The following AFF3 variants were observed in gnomAD, a reference collection of about 807,000 sequenced individuals.
AFF3 encodes AF4/FMR2 family member 3.
A neutral mutation model predicts 129.7 loss-of-function variants in AFF3; 32 were observed. The observed-to-expected ratio is 0.25, with a 90% CI of 0.19 to 0.33. The LOEUF (loss-of-function observed/expected upper bound fraction) is 0.33, where lower values mean the gene tolerates loss of function less well. Among genes scored for constraint, AFF3 ranks in the 10% least tolerant of loss-of-function variants. The pLI is 1.00. For synonymous variants in AFF3, 644 were observed against 635.4 expected, an observed-to-expected ratio of 1.01 and a Z score of -0.20; for missense variants, 1,373 against 1,592.0, an observed-to-expected ratio of 0.86 and a Z score of 2.34.
chr2:100,083,380 G>C (rs1689169073), intron 4 of AFF3, among the ~76,000 whole-genome samples: 1 of 152,100 alleles, frequency 6.6e-6, no homozygotes, highest in South Asian at 2.1e-4. Flanking sequence ...CCAAACCATG[G>C]CCTGCATTGT....
chr2:99,643,131 C>T (rs1247626051), intron 13 of AFF3, among the ~76,000 whole-genome samples: 16 of 133,178 alleles, frequency 1.2e-4, no homozygotes, highest in Non-Finnish European at 9.3e-5. Flanking sequence ...GTGATCTCGG[C>T]TCACTGCAAC....
At chr2:99,874,194 C>G (rs1167126342) in intron 7 of AFF3, among the ~76,000 whole-genome samples, 1 of 152,024 alleles carries the variant, frequency 6.6e-6, no homozygotes, top group Non-Finnish European at 1.5e-5. Flanking sequence ...ACAAAAAACT[C>G]TACTCACTGT....
At chr2:100,103,995 G>A (rs934286972) in intron 4 of AFF3, among the ~76,000 whole-genome samples, 1 of 151,544 alleles carries the variant, frequency 6.6e-6, no homozygotes, top group Non-Finnish European at 1.5e-5. Context: ...ACTCCAGGGG[G>A]TCGGTGGTGC....
intron 4 of AFF3, among the ~76,000 whole-genome samples, chr2:100,090,473 G>A (rs1291623155): frequency 1.3e-5 from 2 of 152,148 alleles, no homozygotes; most frequent in Non-Finnish European, 2.9e-5. Flanking sequence ...AAAAACAGCA[G>A]GACTTAATGA....
At chr2:100,113,598 C>A (rs903814512) in intron 2 of AFF3, among the ~76,000 whole-genome samples, 2 of 152,110 alleles carry the variant, frequency 1.3e-5, no homozygotes, top group African/African-American at 2.4e-5. Context: ...GAACAAACGC[C>A]GTGTACTATA....
chr2:99,594,170 G>A lies in AFF3; in HGVS notation c.1491C>T (p.Tyr497=). The A allele has an allele frequency of 1.2e-6, 2 of 1,614,158 alleles. No individual in the cohort carries two copies. ...CCTGGACGTCCTCTTTCACCGGGTT[G>A]TAGTACTGATTGCTCTCTGACCCGT... ...ESHGSESNQY[Y]NPVKEDVQDC... is the part of the protein sequence containing the mutation. The change falls in exon 15 of 25, where the codon TAC becomes TAT. Residue 497 remains tyrosine (Y), a synonymous_variant. Coordinates refer to ENST00000672756, the MANE Select transcript of AFF3 (RefSeq NM_001386135.1).
chr2:99,727,617 A>C (rs1479272643), intron 10 of AFF3, among the ~76,000 whole-genome samples: 3 of 147,166 alleles, frequency 2.0e-5, no homozygotes, highest in Non-Finnish European at 4.4e-5. Context: ...GCTGGAGTGC[A>C]GTGGCACAAT....
chr2:99,635,003 A>G (rs925159650), intron 13 of AFF3, among the ~76,000 whole-genome samples: 7 of 149,684 alleles, frequency 4.7e-5, no homozygotes, highest in African/African-American at 1.0e-4. Flanking sequence ...ACACACACAC[A>G]TATGGTTGCT....
intron 1 of AFF3, among the ~76,000 whole-genome samples, chr2:100,133,027 C>A (rs1055618908): frequency 1.3e-5 from 2 of 151,322 alleles, no homozygotes; most frequent in Non-Finnish European, 2.9e-5. Flanking sequence ...TCTTGGGGCT[C>A]AAGTGATCCT....
intron 7 of AFF3, among the ~76,000 whole-genome samples, chr2:100,005,066 G>A (rs1681839968): frequency 6.6e-6 from 1 of 152,116 alleles, no homozygotes; most frequent in Non-Finnish European, 1.5e-5. Flanking sequence ...GTGAGTCTCT[G>A]TCTGAGGCAT....
intron 7 of AFF3, among the ~76,000 whole-genome samples, chr2:99,862,029 T>G (rs1439210600): frequency 6.6e-6 from 1 of 152,144 alleles, no homozygotes; most frequent in Non-Finnish European, 1.5e-5. Context: ...GATGTTTTAG[T>G]CTCCACATTG....
rs758763189 is a variant in AFF3 at position 99,727,030 on chromosome 2, G to T, written c.1091+47C>A. Reference sequence around the variant, plus strand: ...TACTTGCACTATCTCATTTTATGAGGCATATTTAAGAACAGGCATCTCTGA... The same window carrying T: ...TACTTGCACTATCTCATTTTATGAGTCATATTTAAGAACAGGCATCTCTGA... On this transcript the variant is annotated intron_variant, in intron 11 of 24. Coordinates refer to ENST00000672756, the MANE Select transcript of AFF3 (RefSeq NM_001386135.1). 7 of 1,491,012 alleles carry T rather than the reference G, an allele frequency of 4.7e-6. No individual in the cohort carries two copies. In the Middle Eastern group the frequency reaches 5.2e-4, roughly 110 times the overall value. The allele number at this position is 1,491,012 out of a possible 1,614,324, so 92.4% of individuals were successfully genotyped here.
At chr2:99,846,365 G>C (rs988984691) in intron 7 of AFF3, among the ~76,000 whole-genome samples, 4 of 151,188 alleles carry the variant, frequency 2.6e-5, no homozygotes, top group Non-Finnish European at 5.9e-5. Context: ...CCTGACCTCA[G>C]GTGATCTGCC....
intron 8 of AFF3, among the ~76,000 whole-genome samples, chr2:99,819,086 AC>A (rs1553459899): frequency 6.6e-6 from 1 of 152,232 alleles, no homozygotes; most frequent in Non-Finnish European, 1.5e-5. Flanking sequence ...GCACCTAAAA[AC>A]AGTTGAACAA....
At chr2:99,582,293 C>A (rs1224051351) in intron 17 of AFF3, among the ~76,000 whole-genome samples, 2 of 152,124 alleles carry the variant, frequency 1.3e-5, no homozygotes, top group East Asian at 3.9e-4. Flanking sequence ...GAACCCAAGT[C>A]CCCTGCTCTT....
intron 8 of AFF3, among the ~76,000 whole-genome samples, chr2:99,833,865 T>C (rs1207593100): frequency 6.6e-6 from 1 of 152,216 alleles, no homozygotes; most frequent in Non-Finnish European, 1.5e-5. Flanking sequence ...TCTGTTTTAA[T>C]TTCTCCCTCA....
chr2:99,786,139 C>G (rs1267741764), intron 8 of AFF3, among the ~76,000 whole-genome samples: 1 of 152,166 alleles, frequency 6.6e-6, no homozygotes. Flanking sequence ...ATTACGGGTG[C>G]TTTCTGCAAA....
chr2:99,923,511 G>A (rs1490693150), intron 7 of AFF3, among the ~76,000 whole-genome samples: 1 of 152,174 alleles, frequency 6.6e-6, no homozygotes, highest in African/African-American at 2.4e-5. Flanking sequence ...AAACTTAAGA[G>A]TAAACTTATA....
intron 4 of AFF3, among the ~76,000 whole-genome samples, chr2:100,056,731 A>G (rs1686819008): frequency 6.6e-6 from 1 of 152,164 alleles, no homozygotes; most frequent in African/African-American, 2.4e-5. Context: ...TTTACTCTAT[A>G]CCATCTGTTC....
Sources: gnomAD v4.1 joint callset for allele counts (sites outside exome capture counted in the v4.1 genomes callset) on GRCh38, gnomAD v4.1.1 for gene constraint, MANE v1.5 for transcripts, NCBI Gene and HGNC (gene_info 2026-07-23, HGNC 2026-07-21) for gene names.